Variants in NCOA1 observed in about 807,000 individuals in gnomAD.
NCOA1 encodes nuclear receptor coactivator 1.
Under a neutral mutation model 150.9 loss-of-function variants are expected in NCOA1, and 35 were observed. The observed-to-expected ratio is 0.23, with a 90% confidence interval of 0.18 to 0.31. The LOEUF (loss-of-function observed/expected upper bound fraction) is 0.31, where lower values mean the gene tolerates loss of function less well. NCOA1 is among the 10% of genes least tolerant of loss of function. NCOA1 has a pLI of 1.00. For synonymous variants in NCOA1, 590 were observed against 630.0 expected (o/e 0.94, Z 0.95); for missense variants, 1,491 against 1,749.3 (o/e 0.85, Z 2.63).
chr2:24,691,698 C>T lies in NCOA1; in HGVS notation c.712+38C>T, dbSNP rs1553306786. ...GGTCTTTTTAAAGTGTTTATTTCTT[C>T]TGTGACTTTAAGGAAAAGAGAGGAA... On this transcript the variant is annotated intron_variant, in intron 9 of 22. Coordinates refer to ENST00000348332, the MANE Select transcript of NCOA1 (RefSeq NM_003743.5). The T allele has an allele frequency of 1.9e-6, 3 of 1,581,788 alleles. No homozygotes were observed. The Admixed American group carries it at 5.4e-5, about 28-fold the overall frequency.
chr2:24,607,689 T>TG (rs1261934889), intron 3 of NCOA1, among the ~76,000 whole-genome samples: 4 of 141,702 alleles, frequency 2.8e-5, no homozygotes, highest in African/African-American at 1.0e-4. Flanking sequence ...GACTCTTGTC[T>TG]AAAAAAAAAA....
At chr2:24,763,618 T>C (rs76842193) in intron 22 of NCOA1, among the ~76,000 whole-genome samples, 61 of 118,524 alleles carry the variant, frequency 5.1e-4, no homozygotes, top group South Asian at 1.2e-3. Context: ...CTCTCTCTCT[T>C]TTTTTTTTTT....
chr2:24,521,017 A>G (rs1164891237), intron 1 of NCOA1, among the ~76,000 whole-genome samples: 1 of 151,202 alleles, frequency 6.6e-6, no homozygotes, highest in Non-Finnish European at 1.5e-5. Context: ...TCTTTTCCCC[A>G]GATACTTGCT....
intron 1 of NCOA1, among the ~76,000 whole-genome samples, chr2:24,544,978 A>G (rs1006309320): frequency 1.3e-5 from 2 of 152,224 alleles, no homozygotes; most frequent in Non-Finnish European, 2.9e-5. Context: ...AGTTTGAAAC[A>G]TAAGCATTGA....
intron 13 of NCOA1, among the ~76,000 whole-genome samples, chr2:24,708,910 ACTT>A (rs1231717916): frequency 1.3e-5 from 2 of 152,152 alleles, no homozygotes; most frequent in Non-Finnish European, 2.9e-5. Flanking sequence ...TGCCCACTGA[ACTT>A]CTACTCATCC....
intron 20 of NCOA1, 107 bp downstream of exon 20, chr2:24,752,263 G>A: frequency 7.6e-7 from 1 of 1,316,414 alleles, no homozygotes; most frequent in Non-Finnish European, 1.0e-6. Flanking sequence ...TAAAGTGAAA[G>A]AAGGCCGGAC....
intron 2 of NCOA1, among the ~76,000 whole-genome samples, chr2:24,567,009 C>A (rs1435586519): frequency 6.6e-6 from 1 of 152,224 alleles, no homozygotes; most frequent in Non-Finnish European, 1.5e-5. Flanking sequence ...CTGCTCCCAG[C>A]CCCTGCTGGC....
intron 1 of NCOA1, among the ~76,000 whole-genome samples, chr2:24,517,010 A>ATG (rs1664228915): frequency 6.8e-6 from 1 of 145,986 alleles, no homozygotes; most frequent in African/African-American, 2.5e-5. Context: ...GCGCGCACAC[A>ATG]CACACACACA....
chr2:24,706,430 A>C (rs781493644), intron 12 of NCOA1, 138 bp from the exon 13 acceptor site: 64 of 934,836 alleles, frequency 6.8e-5, no homozygotes, highest in Non-Finnish European at 8.7e-5. Context: ...TTCTTAATTT[A>C]AGATGGTACA....
chr2:24,552,567 A>G (rs1166906245), intron 1 of NCOA1, among the ~76,000 whole-genome samples: 3 of 151,082 alleles, frequency 2.0e-5, no homozygotes, highest in Non-Finnish European at 2.9e-5. Context: ...GGGTTTCACT[A>G]TGTTAGCCAG....
chr2:24,663,048 G>A (rs1671257828), intron 5 of NCOA1, among the ~76,000 whole-genome samples: 1 of 150,256 alleles, frequency 6.7e-6, no homozygotes, highest in African/African-American at 2.5e-5. Flanking sequence ...TCCTGCCTCT[G>A]TCTCCCAAAG....
At chr2:24,680,666 G>A (rs1006682329) in intron 7 of NCOA1, among the ~76,000 whole-genome samples, 1 of 152,084 alleles carries the variant, frequency 6.6e-6, no homozygotes, top group Non-Finnish European at 1.5e-5. Context: ...ACATTATGGT[G>A]ACTGTAATTA....
At chr2:24,755,954 C>T (rs971373670) in intron 20 of NCOA1, among the ~76,000 whole-genome samples, 1 of 151,210 alleles carries the variant, frequency 6.6e-6, no homozygotes, top group Non-Finnish European at 1.5e-5. Context: ...GGCATAGAGG[C>T]TGGGTGCAAT....
intron 1 of NCOA1, among the ~76,000 whole-genome samples, chr2:24,516,806 C>G (rs1007790394): frequency 2.9e-5 from 4 of 139,010 alleles, no homozygotes; most frequent in African/African-American, 1.0e-4. Flanking sequence ...AATGTACTTT[C>G]CTATTTCTAT....
Position 24,553,408 on chromosome 2 carries a change from G to A in NCOA1, c.-395-10887G>A, listed in dbSNP as rs6712037. On this transcript the variant is annotated intron_variant, in intron 1 of 22. Transcript: ENST00000348332. ...TAATTTTTGTATTTTTAGTAGAGAC[G>A]GGGTTTCACCTTGTTGGCCAGGCTG... is the stretch of plus-strand genomic sequence containing the variant. Among the ~76,000 whole-genome samples the A allele has an allele frequency of 7.0e-3, 1,067 of 152,052 alleles. 12 individuals carry two copies. The highest frequency in any genetic ancestry group is 0.024 in the African/African-American group (1,002 of 41,440).
At chr2:24,753,400 C>T (rs1664343944) in intron 20 of NCOA1, among the ~76,000 whole-genome samples, 1 of 151,932 alleles carries the variant, frequency 6.6e-6, no homozygotes, top group Non-Finnish European at 1.5e-5. Context: ...TGACATGTCT[C>T]AATAACCTAT....
At chr2:24,695,131 T>G (rs1672838766) in intron 10 of NCOA1, among the ~76,000 whole-genome samples, 1 of 152,138 alleles carries the variant, frequency 6.6e-6, no homozygotes, top group Non-Finnish European at 1.5e-5. Context: ...AGGACTGTAT[T>G]TTCCCATAAG....
intron 11 of NCOA1, among the ~76,000 whole-genome samples, chr2:24,698,659 A>C (rs1459548647): frequency 2.6e-5 from 4 of 152,180 alleles, no homozygotes; most frequent in African/African-American, 9.6e-5. Flanking sequence ...TTTCCAATGA[A>C]ATTTATTCTC....
At chr2:24,594,457 A>G (rs535031659) in intron 3 of NCOA1, among the ~76,000 whole-genome samples, 6 of 152,132 alleles carry the variant, frequency 3.9e-5, no homozygotes, top group Non-Finnish European at 5.9e-5. Flanking sequence ...TTATTGCATC[A>G]GAACATAATC....
Sources: gnomAD v4.1 joint callset for allele counts (sites outside exome capture counted in the v4.1 genomes callset) on GRCh38, gnomAD v4.1.1 for gene constraint, MANE v1.5 for transcripts, NCBI Gene and HGNC (gene_info 2026-07-23, HGNC 2026-07-21) for gene names.